LPP: variants seen among roughly 807,000 people sequenced by gnomAD.
LPP encodes the protein LIM domain containing preferred translocation partner in lipoma, also known as lipoma-preferred partner.
A neutral mutation model predicts 60.4 loss-of-function variants in LPP; 38 were observed. The observed-to-expected ratio is 0.63, with a 90% CI of 0.49 to 0.83. LPP has a LOEUF of 0.83. Among genes scored for constraint, LPP ranks in the 40% least tolerant of loss-of-function variants. The pLI, the probability that LPP is intolerant of heterozygous loss-of-function variation, is 0.00. For missense variants in LPP, 902 were observed against 783.6 expected, an observed-to-expected ratio of 1.15 and a Z score of -1.80; for synonymous variants, 328 against 290.8, an observed-to-expected ratio of 1.13 and a Z score of -1.30.
chr3:188,155,139 A>G (rs1715851494), intron 1 of LPP, among the ~76,000 whole-genome samples: 2 of 152,172 alleles, frequency 1.3e-5, no homozygotes, highest in Non-Finnish European at 2.9e-5. Context: ...TGAGCTAATC[A>G]GTGGAATTGT....
Position 188,876,075 on chromosome 3 carries a change from G to A in LPP, c.*1596G>A, listed in dbSNP as rs1031768967. On this transcript the variant is annotated 3_prime_UTR_variant, in exon 12 of 12. Coordinates refer to ENST00000617246, the MANE Select transcript of LPP (RefSeq NM_001375462.1). ...GTATAATTACATCCTCCAATGTACC[G>A]TTTCCTTATTCCACAGATATCTTTT... 5.8e-5 allele frequency: 11 copies of A among 189,406 alleles called. No individual in the cohort carries two copies. The highest frequency in any genetic ancestry group is 1.4e-4 in the African/African-American group (6 of 42,866). 11.7% of individuals were successfully genotyped at this position (189,406 alleles called of 1,614,324 possible). A position where few individuals can be genotyped will look rare whatever the true frequency, so the allele number is the denominator to read the frequency against.
At chr3:188,558,254 G>T (rs769082113) in intron 6 of LPP, among the ~76,000 whole-genome samples, 81 of 152,148 alleles carry the variant, frequency 5.3e-4, no homozygotes, top group South Asian at 6.2e-4. Context: ...GTACTCTGTA[G>T]AGTTCATATC....
intron 9 of LPP, among the ~76,000 whole-genome samples, chr3:188,781,700 G>A (rs12696587): frequency 0.19 from 29,359 of 150,960 alleles, 3,822 homozygotes; most frequent in East Asian, 0.65. Context: ...TGGCTAACAC[G>A]GTGAAACCCC....
intron 7 of LPP, among the ~76,000 whole-genome samples, chr3:188,634,639 C>A (rs1223134847): frequency 1.3e-5 from 2 of 152,098 alleles, no homozygotes; most frequent in African/African-American, 4.8e-5. Flanking sequence ...GAGCGTGAAC[C>A]CTATTGTGAA....
At chr3:188,341,563 A>G (rs1009556743) in intron 2 of LPP, 100 bp from the exon 3 acceptor site, 2 of 299,560 alleles carry the variant, frequency 6.7e-6, no homozygotes, top group African/African-American at 4.6e-5. Flanking sequence ...TTGTAAAACA[A>G]GAAACCATTA....
intron 2 of LPP, among the ~76,000 whole-genome samples, chr3:188,293,921 T>G (rs561679778): frequency 6.6e-6 from 1 of 151,394 alleles, no homozygotes; most frequent in Non-Finnish European, 1.5e-5. Context: ...CAAAAATCAG[T>G]TGGGCGTAGT....
intron 8 of LPP, among the ~76,000 whole-genome samples, chr3:188,747,984 T>C (rs1323404280): frequency 6.6e-6 from 1 of 152,144 alleles, no homozygotes; most frequent in African/African-American, 2.4e-5. Context: ...CCAGTATTTG[T>C]GAGGTACTCA....
intron 5 of LPP, among the ~76,000 whole-genome samples, chr3:188,491,425 A>T (rs1175482445): frequency 6.6e-6 from 1 of 152,216 alleles, no homozygotes; most frequent in Non-Finnish European, 1.5e-5. Flanking sequence ...GAATACAAGG[A>T]TATCTTGATC....
At chr3:188,476,310 T>G (rs1803214506) in intron 4 of LPP, among the ~76,000 whole-genome samples, 1 of 152,190 alleles carries the variant, frequency 6.6e-6, no homozygotes, top group Admixed American at 6.5e-5. Flanking sequence ...ATCAACATCA[T>G]TATTTTGGTG....
At chr3:188,680,466 G>A (rs1859234959) in intron 7 of LPP, among the ~76,000 whole-genome samples, 1 of 151,974 alleles carries the variant, frequency 6.6e-6, no homozygotes, top group South Asian at 2.1e-4. Flanking sequence ...TAATAAGAAG[G>A]GTATTTGAAA....
At chr3:188,449,224 A>T (rs1404316640) in intron 4 of LPP, among the ~76,000 whole-genome samples, 2 of 152,146 alleles carry the variant, frequency 1.3e-5, no homozygotes, top group African/African-American at 2.4e-5. Flanking sequence ...TAAATATAAG[A>T]CCCCAAGCAT....
At chr3:188,176,553 A>G (rs987471537) in intron 1 of LPP, among the ~76,000 whole-genome samples, 7 of 152,116 alleles carry the variant, frequency 4.6e-5, no homozygotes, top group African/African-American at 1.4e-4. Context: ...TCTGGCCACA[A>G]ACTTGTTTTT....
At chr3:188,240,954 T>G (rs539387460) in intron 2 of LPP, among the ~76,000 whole-genome samples, 1 of 152,214 alleles carries the variant, frequency 6.6e-6, no homozygotes, top group Non-Finnish European at 1.5e-5. Context: ...TCCTTAACTA[T>G]ATGATTCTTT....
intron 2 of LPP, among the ~76,000 whole-genome samples, chr3:188,327,574 AC>A (rs1037973406): frequency 6.6e-6 from 1 of 152,180 alleles, no homozygotes; most frequent in African/African-American, 2.4e-5. Context: ...GGTCCTAGTA[AC>A]CACTGCCTGT....
intron 1 of LPP, among the ~76,000 whole-genome samples, chr3:188,203,854 A>T (rs1457047459): frequency 6.6e-6 from 1 of 151,716 alleles, no homozygotes; most frequent in East Asian, 2.0e-4. Flanking sequence ...AGGCTTGCAC[A>T]TGGTTACTGG....
chr3:188,247,216 A>T, intron 2 of LPP: 2 of 967,166 alleles, frequency 2.1e-6, no homozygotes, highest in African/African-American at 1.8e-5. Context: ...TTCTGTGAGT[A>T]GTACAACTCA....
chr3:188,557,028 A>G (rs181761247), intron 6 of LPP, among the ~76,000 whole-genome samples: 2 of 152,212 alleles, frequency 1.3e-5, no homozygotes, highest in African/African-American at 4.8e-5. Flanking sequence ...TATATCATGC[A>G]GGATAGTTGA....
At position 188,813,351 on chromosome 3, in the gene LPP, A is replaced by G. The variant is rs1260952591; in HGVS notation, c.1411-52849A>G. ...TGCTTTATTCTGTGCCATTTATTGT[A>G]CTGAGTATTTTGCATGAATGATCTT... On this transcript the variant is annotated intron_variant, in intron 9 of 11. Transcript: ENST00000617246. Among the ~76,000 whole-genome samples, 3 of 152,160 alleles carry G rather than the reference A, an allele frequency of 2.0e-5. No individual in the cohort carries two copies. In the East Asian group the frequency reaches 5.8e-4, roughly 29 times the overall value.
intron 4 of LPP, among the ~76,000 whole-genome samples, chr3:188,419,580 T>C (rs1049197983): frequency 6.6e-6 from 1 of 152,196 alleles, no homozygotes; most frequent in East Asian, 1.9e-4. Flanking sequence ...GCAACCTAAG[T>C]TCTTTCAGTT....
Sources: allele counts gnomAD v4.1 joint callset (sites outside exome capture counted in the v4.1 genomes callset), GRCh38; gene constraint gnomAD v4.1.1; transcripts MANE v1.5; gene names NCBI Gene and HGNC (gene_info 2026-07-23, HGNC 2026-07-21).